GRM4: variants seen among roughly 807,000 people sequenced by gnomAD.
GRM4 encodes glutamate metabotropic receptor 4.
In GRM4, 28 loss-of-function variants were observed where a neutral mutation model predicts 81.7. That is an observed-to-expected ratio of 0.34 (90% confidence interval 0.25 to 0.47). The LOEUF is 0.47. Ranked by LOEUF, GRM4 falls within the 20% of genes least tolerant of loss-of-function variation. GRM4 has a pLI of 1.00. For missense variants in GRM4, 948 were observed against 1,290.0 expected, an observed-to-expected ratio of 0.73 and a Z score of 4.06; for synonymous variants, 488 against 528.8, an observed-to-expected ratio of 0.92 and a Z score of 1.06.
At position 34,027,403 on chromosome 6, in the gene GRM4, C is replaced by T. The variant is rs74822262; in HGVS notation, c.2689+717G>A. 3.7e-3 allele frequency among the ~76,000 whole-genome samples: 558 copies of T among 152,294 alleles called. 6 individuals are homozygous for T. The highest frequency in any genetic ancestry group is 0.012 in the African/African-American group (499 of 41,560). ...GCCCCTCAGCTGCCGAGGTCCCTGC[C>T]TGGTGCCCTCCCCCACCACAAAGCA... is the stretch of plus-strand genomic sequence containing the variant. On this transcript the variant is annotated intron_variant, in intron 10 of 10. Coordinates refer to ENST00000538487, the MANE Select transcript of GRM4 (RefSeq NM_000841.4).
rs1371104846 is a variant in GRM4 at position 34,034,480 on chromosome 6, T to C, written c.2442+1188A>G. Among the ~76,000 whole-genome samples the C allele has an allele frequency of 6.6e-6, 1 of 152,190 alleles. No homozygotes were observed. Among genetic ancestry groups the C allele is most frequent in the Non-Finnish European group, 1.5e-5 (1 of 68,038 alleles). Reference sequence around the variant, plus strand: ...GCTGCTCTTGGCAGCCAGAGGGTCCTTTTCAACCTACATCAGATAGCACCC... The same window carrying C: ...GCTGCTCTTGGCAGCCAGAGGGTCCCTTTCAACCTACATCAGATAGCACCC... On this transcript the variant is annotated intron_variant, in intron 9 of 10. Transcript: ENST00000538487. This position sits in a 1 kb window ranked among gnomAD's most constrained non-coding sequence, Gnocchi z 4.0.
intron 2 of GRM4, among the ~76,000 whole-genome samples, chr6:34,097,307 A>T (rs1028088883): frequency 3.9e-5 from 6 of 152,008 alleles, no homozygotes. Flanking sequence ...TTCCAGGCCC[A>T]GGGAGCAGCC....
chr6:34,145,897 A>G, intron 1 of GRM4, 103 bp downstream of exon 1: 1 of 687,740 alleles, frequency 1.5e-6, no homozygotes, highest in Non-Finnish European at 1.8e-6. Context: ...CCACCCCTCC[A>G]CACCCGCCCT....
At chr6:34,063,926 A>G (rs955379272) in intron 3 of GRM4, among the ~76,000 whole-genome samples, 3 of 152,192 alleles carry the variant, frequency 2.0e-5, no homozygotes, top group African/African-American at 4.8e-5. Context: ...GCGGGAAGGA[A>G]GGCAGGAGAA....
At chr6:34,093,255 C>T (rs1010932408) in intron 2 of GRM4, among the ~76,000 whole-genome samples, 3 of 152,198 alleles carry the variant, frequency 2.0e-5, no homozygotes. Flanking sequence ...AAGTGGTTGC[C>T]CACTTGGCCA....
chr6:34,045,675 G>T (rs546092291), intron 6 of GRM4, among the ~76,000 whole-genome samples: 70 of 152,320 alleles, frequency 4.6e-4, no homozygotes, highest in Non-Finnish European at 6.0e-4. Flanking sequence ...CTCCCTGTCT[G>T]CAGGTCTAGA....
Position 34,092,163 on chromosome 6 carries a change from T to A in GRM4, c.520-64A>T. 1 of 1,124,866 alleles carries A rather than the reference T, an allele frequency of 8.9e-7. No homozygotes were observed. The highest frequency in any genetic ancestry group is 1.4e-5 in the South Asian group (1 of 71,728). The allele number at this position is 1,124,866 out of a possible 1,614,324, so 69.7% of individuals were successfully genotyped here. A position where few individuals can be genotyped will look rare whatever the true frequency, so the allele number is the denominator to read the frequency against. ...TCCCCACCCTGCCTAGCCAGCCCCA[T>A]TCCCCTACACACCAACCTCCCTTTG... On this transcript the variant is annotated intron_variant, in intron 2 of 10. Transcript: ENST00000538487. The surrounding 1 kb of genome is among the most constrained non-coding windows in gnomAD (Gnocchi z 6.8).
chr6:34,105,644 G>T (rs1168981957), intron 2 of GRM4, among the ~76,000 whole-genome samples: 1 of 152,048 alleles, frequency 6.6e-6, no homozygotes, highest in African/African-American at 2.4e-5. Flanking sequence ...CTTCTCAGGG[G>T]TTCACCAGAT....
In GRM4 at chr6:34,096,928, GTGTGTC is replaced by G. The variant is rs773377965; in HGVS notation, c.520-4835_520-4830del. Among the ~76,000 whole-genome samples the G allele has an allele frequency of 1.8e-3, 243 of 132,544 alleles. 1 individual carries two copies. Among genetic ancestry groups the G allele is most frequent in the Middle Eastern group, 3.9e-3 (1 of 256 alleles). 87.0% of individuals were successfully genotyped at this position (132,544 alleles called of 152,430 possible). On this transcript the variant is annotated intron_variant, in intron 2 of 10. Transcript: ENST00000538487. ...CAAGTACATCTGAGTGTGTGTGTGT[GTGTGTC>G]TGTGTGAGTGTGTGCATGCACGTGG... is the stretch of plus-strand genomic sequence containing the variant.
In GRM4 at chr6:34,058,964, C is replaced by T. The variant is rs1373138188; in HGVS notation, c.1027+10G>A. On this transcript the variant is annotated intron_variant, in intron 5 of 10. Coordinates refer to ENST00000538487, the MANE Select transcript of GRM4 (RefSeq NM_000841.4). Reference sequence around the variant, plus strand: ...GATGGTGCCGACCACCTGCACCCGCCCAGCCTTACCTCGTACGGACATCCT... The same window carrying T: ...GATGGTGCCGACCACCTGCACCCGCTCAGCCTTACCTCGTACGGACATCCT... 1.2e-6 allele frequency: 2 copies of T among 1,609,896 alleles called. No individual in the cohort carries two copies. The highest frequency in any genetic ancestry group is 3.3e-5 in the Admixed American group (2 of 59,962).
chr6:34,093,483 G>T (rs1479604184), intron 2 of GRM4, among the ~76,000 whole-genome samples: 1 of 152,238 alleles, frequency 6.6e-6, no homozygotes, highest in Non-Finnish European at 1.5e-5. Flanking sequence ...TCTAGTGGGA[G>T]GAGAGGAGCA....
exon 1 of GRM4, chr6:34,155,318 A>C (rs1363839863): frequency 1.3e-6 from 2 of 1,521,526 alleles, no homozygotes; most frequent in African/African-American, 2.8e-5. Context: ...GGTGCGATGC[A>C]GAGGCGTAGA....
In GRM4 at chr6:34,064,051, C is replaced by T. The variant is rs369321280; in HGVS notation, c.737-2023G>A. Among the ~76,000 whole-genome samples the T allele has an allele frequency of 4.9e-4, 75 of 152,158 alleles. 1 individual carries two copies. Among genetic ancestry groups the T allele is most frequent in the Middle Eastern group, 3.2e-3 (1 of 316 alleles). ...GCCTGGCACCTCAGGGCATATCTTG[C>T]AAGCTTCGTTTTGCTGGTGAAGGAA... On this transcript the variant is annotated intron_variant, in intron 3 of 10. Transcript: ENST00000538487. The surrounding 1 kb of genome is among the most constrained non-coding windows in gnomAD (Gnocchi z 4.4).
chr6:34,103,757 G>T, intron 2 of GRM4: 2 of 1,472,952 alleles, frequency 1.4e-6, no homozygotes, highest in East Asian at 2.5e-5. Context: ...AAGCTGCCTC[G>T]CTGTGTGACC....
At chr6:34,139,172 C>A (rs1004912031) in intron 1 of GRM4, among the ~76,000 whole-genome samples, 8 of 152,216 alleles carry the variant, frequency 5.3e-5, no homozygotes, top group African/African-American at 1.9e-4. Flanking sequence ...CTCCGGCTCA[C>A]CAGCCTCGAC....
upstream of GRM4, among the ~76,000 whole-genome samples, chr6:34,149,586 C>T (rs1771006319): frequency 6.6e-6 from 1 of 152,182 alleles, no homozygotes; most frequent in Non-Finnish European, 1.5e-5. Context: ...GTCCTGCCTC[C>T]AGAGGTCACC....
At chr6:34,134,725 C>G (rs1770382788) in intron 1 of GRM4, among the ~76,000 whole-genome samples, 2 of 146,084 alleles carry the variant, frequency 1.4e-5, no homozygotes, top group African/African-American at 4.9e-5. Flanking sequence ...TGCTCTTTCT[C>G]CCCACCCCCA....
chr6:34,091,831 G>T, intron 3 of GRM4, 52 bp downstream of exon 3: 1 of 1,355,078 alleles, frequency 7.4e-7, no homozygotes, highest in Non-Finnish European at 1.0e-6. Context: ...CAGTCACTGT[G>T]CCGGGACACC....
rs1337584088 is a variant in GRM4 at position 34,136,271 on chromosome 6, C to T, written c.-363-2412G>A. Among the ~76,000 whole-genome samples the T allele has an allele frequency of 6.6e-6, 1 of 152,120 alleles. No individual in the cohort carries two copies. The highest frequency in any genetic ancestry group is 2.4e-5 in the African/African-American group (1 of 41,432). On this transcript the variant is annotated intron_variant, in intron 1 of 10. Transcript: ENST00000538487. This position sits in a 1 kb window ranked among gnomAD's most constrained non-coding sequence, Gnocchi z 4.1. ...GGGCACAGAGCTTGTGCAGGCTGCC[C>T]GTGCCCCTGGCTGCTCCTCTGTGCT...
Sources: gnomAD v4.1 joint callset for allele counts (sites outside exome capture counted in the v4.1 genomes callset) on GRCh38, gnomAD v4.1.1 for gene constraint, Gnocchi (gnomAD v3.1) non-coding constraint, MANE v1.5 for transcripts, NCBI Gene and HGNC (gene_info 2026-07-23, HGNC 2026-07-21) for gene names.